Variants in ZDHHC17 observed in about 807,000 individuals in gnomAD.
The protein encoded by ZDHHC17 is zDHHC palmitoyltransferase 17, also known as palmitoyltransferase ZDHHC17.
Under a neutral mutation model 90.3 loss-of-function variants are expected in ZDHHC17, and 40 were observed. The observed-to-expected ratio is 0.44, with a 90% CI of 0.34 to 0.58. The LOEUF (loss-of-function observed/expected upper bound fraction) is 0.58, where lower values mean the gene tolerates loss of function less well. Among genes scored for constraint, ZDHHC17 ranks in the 20% least tolerant of loss-of-function variants. The probability of loss-of-function intolerance (pLI) is 0.01; values close to 1 mark genes in which losing one functional copy is unlikely to be tolerated. For missense variants in ZDHHC17, 614 were observed against 780.8 expected (o/e 0.79, Z 2.55); for synonymous variants, 235 against 252.4 (o/e 0.93, Z 0.65).
chr12:76,831,552 A>G (rs1032085891), intron 10 of ZDHHC17, among the ~76,000 whole-genome samples: 7 of 152,044 alleles, frequency 4.6e-5, no homozygotes, highest in African/African-American at 9.7e-5. Flanking sequence ...GGGTTTCACT[A>G]TGTTGGCCAG....
At chr12:76,810,055 T>A (rs1320274226) in intron 5 of ZDHHC17, among the ~76,000 whole-genome samples, 198 bp downstream of exon 5, 1 of 152,148 alleles carries the variant, frequency 6.6e-6, no homozygotes, top group Non-Finnish European at 1.5e-5. Flanking sequence ...ATGAACCAGA[T>A]AATGATGAAG....
At chr12:76,780,823 A>G (rs1419871652) in intron 1 of ZDHHC17, among the ~76,000 whole-genome samples, 1 of 152,082 alleles carries the variant, frequency 6.6e-6, no homozygotes, top group African/African-American at 2.4e-5. Context: ...GATCTCCCCA[A>G]ATTAAGAAGT....
intron 1 of ZDHHC17, among the ~76,000 whole-genome samples, chr12:76,793,401 TC>T (rs1012258072): frequency 9.8e-5 from 15 of 152,296 alleles, no homozygotes; most frequent in African/African-American, 3.6e-4. Context: ...GTGCCTGTAG[TC>T]CCAGCTACTC....
At chr12:76,845,022 A>G (rs554409971) in intron 12 of ZDHHC17, 2 of 133,298 alleles carry the variant, frequency 1.5e-5, no homozygotes, top group South Asian at 5.1e-4. Context: ...GCCTGTCAAT[A>G]GCTGAATAAT....
At chr12:76,825,894 C>G (rs1953224546) in intron 8 of ZDHHC17, among the ~76,000 whole-genome samples, 1 of 152,034 alleles carries the variant, frequency 6.6e-6, no homozygotes, top group Non-Finnish European at 1.5e-5. Context: ...ACAGCCTTGA[C>G]CCTTGACTTC....
chr12:76,825,232 A>G (rs1005694953), intron 8 of ZDHHC17, among the ~76,000 whole-genome samples: 3 of 152,200 alleles, frequency 2.0e-5, no homozygotes, highest in African/African-American at 4.8e-5. Context: ...GGGACAAAGG[A>G]TATTTAGGAT....
At chr12:76,765,619 G>T (rs1218339015) in intron 1 of ZDHHC17, among the ~76,000 whole-genome samples, 1 of 152,206 alleles carries the variant, frequency 6.6e-6, no homozygotes, top group African/African-American at 2.4e-5. Flanking sequence ...TTCAGATGTT[G>T]CCTTGAAAAT....
chr12:76,842,082 A>C lies in ZDHHC17; in HGVS notation c.1242A>C (p.Lys414Asn). 6.3e-7 allele frequency: 1 copy of C among 1,584,898 alleles called. No individual in the cohort carries two copies. Among genetic ancestry groups the C allele is most frequent in the African/African-American group, 1.4e-5 (1 of 73,184 alleles). Residue 414 changes from lysine to asparagine, a missense_variant, in exon 11 of 17, where the codon AAA becomes AAC. Lys to Asn is a moderately conservative substitution (Grantham distance 94, BLOSUM62 0). Transcript: ENST00000426126. ...GGAAATCAGATCCAGGGATTATTAA[A>C]GCAACAGAAGAGCAAAAGAAAAAGG... ...KSWKSDPGII[K>N]ATEEQKKKTI...
intron 10 of ZDHHC17, among the ~76,000 whole-genome samples, chr12:76,830,454 TTAAG>T (rs1159276201): frequency 7.5e-6 from 1 of 132,894 alleles, no homozygotes; most frequent in African/African-American, 2.6e-5. Flanking sequence ...TTTTCTTAGT[TTAAG>T]TATCTATTGA....
chr12:76,832,343 A>G (rs534798434), intron 10 of ZDHHC17, among the ~76,000 whole-genome samples: 173 of 152,392 alleles, frequency 1.1e-3, no homozygotes, highest in African/African-American at 4.0e-3. Context: ...TGTGCAACTC[A>G]TGGCTACATA....
At chr12:76,806,127 ACT>A (rs1454037112) in intron 3 of ZDHHC17, among the ~76,000 whole-genome samples, 3 of 151,954 alleles carry the variant, frequency 2.0e-5, no homozygotes, top group Non-Finnish European at 4.4e-5. Context: ...ATGGGTTCTT[ACT>A]CTCTCACTCA....
At chr12:76,787,617 CCTCTCT>C (rs3044465) in intron 1 of ZDHHC17, among the ~76,000 whole-genome samples, 1,492 of 149,006 alleles carry the variant, frequency 0.01, 8 homozygotes, top group Middle Eastern at 0.021. Flanking sequence ...TCTGTCTCTC[CCTCTCT>C]CTCTCTCTCT....
At chr12:76,772,108 A>G (rs2137711452) in intron 1 of ZDHHC17, among the ~76,000 whole-genome samples, 1 of 152,270 alleles carries the variant, frequency 6.6e-6, no homozygotes, top group South Asian at 2.1e-4. Context: ...TTTAATCCTC[A>G]CAGCTTTTTA....
chr12:76,805,043 T>A (rs1489504817), intron 2 of ZDHHC17, among the ~76,000 whole-genome samples: 1 of 152,182 alleles, frequency 6.6e-6, no homozygotes, highest in African/African-American at 2.4e-5. Context: ...GGATAAGTGG[T>A]AATAAAGCAA....
intron 12 of ZDHHC17, chr12:76,844,849 A>G (rs1953475314): frequency 6.6e-6 from 1 of 152,170 alleles, no homozygotes; most frequent in Admixed American, 6.5e-5. Context: ...GCAAGAGTTA[A>G]TAACTGCAGC....
chr12:76,820,566 A>G (rs966552333), intron 7 of ZDHHC17, among the ~76,000 whole-genome samples: 9 of 152,308 alleles, frequency 5.9e-5, no homozygotes, highest in Middle Eastern at 3.4e-3. Flanking sequence ...TGTACAGAAT[A>G]TAAAATTACT....
chr12:76,795,736 G>A (rs1404397515), intron 1 of ZDHHC17, among the ~76,000 whole-genome samples: 1 of 152,042 alleles, frequency 6.6e-6, no homozygotes, highest in Non-Finnish European at 1.5e-5. Flanking sequence ...GGCTTGCTTT[G>A]TCAGTTATTC....
intron 1 of ZDHHC17, among the ~76,000 whole-genome samples, chr12:76,766,115 G>A (rs1952427848): frequency 6.6e-6 from 1 of 152,220 alleles, no homozygotes; most frequent in Admixed American, 6.5e-5. Context: ...ATTATTTGGT[G>A]TAGTAGAATG....
chr12:76,825,438 T>C (rs1953218966), intron 8 of ZDHHC17, among the ~76,000 whole-genome samples: 1 of 152,216 alleles, frequency 6.6e-6, no homozygotes, highest in Non-Finnish European at 1.5e-5. Flanking sequence ...ATTACCATTA[T>C]ATTTTTATAG....
Sources: allele counts gnomAD v4.1 joint callset (sites outside exome capture counted in the v4.1 genomes callset), GRCh38; gene constraint gnomAD v4.1.1; transcripts MANE v1.5; gene names NCBI Gene and HGNC (gene_info 2026-07-23, HGNC 2026-07-21).